The following FUT9 variants were observed in gnomAD, a reference collection of about 807,000 sequenced individuals.
FUT9 encodes 4-galactosyl-N-acetylglucosaminide 3-alpha-L-fucosyltransferase 9.
Under a neutral mutation model 29.7 loss-of-function variants are expected in FUT9, and 15 were observed. That is an observed-to-expected ratio of 0.51 (90% CI 0.34 to 0.78). The LOEUF (loss-of-function observed/expected upper bound fraction) is 0.78, where lower values mean the gene tolerates loss of function less well. Ranked by LOEUF, FUT9 falls within the 30% of genes least tolerant of loss-of-function variation. FUT9 has a pLI of 0.01. For synonymous variants in FUT9, 169 were observed against 153.7 expected (o/e 1.10, Z -0.74); for missense variants, 319 against 425.4 (o/e 0.75, Z 2.20).
At chr6:96,031,655 C>T (rs972099881) in intron 1 of FUT9, among the ~76,000 whole-genome samples, 2 of 151,380 alleles carry the variant, frequency 1.3e-5, no homozygotes, top group Admixed American at 6.6e-5. Flanking sequence ...GGAAGTATAC[C>T]TTTGACCTGC....
At chr6:96,178,658 T>C (rs1773249062) in intron 2 of FUT9, among the ~76,000 whole-genome samples, 1 of 152,172 alleles carries the variant, frequency 6.6e-6, no homozygotes, top group Non-Finnish European at 1.5e-5. Flanking sequence ...AGCTCTAGGC[T>C]TTGAATAATC....
intron 2 of FUT9, among the ~76,000 whole-genome samples, chr6:96,182,744 G>A (rs1773331828): frequency 6.6e-6 from 1 of 151,972 alleles, no homozygotes; most frequent in South Asian, 2.1e-4. Context: ...AGATCAGTTG[G>A]CTTGTAAGTA....
chr6:96,203,415 A>G lies in FUT9; in HGVS notation c.260A>G (p.Asn87Ser). 6.2e-7 allele frequency: 1 copy of G among 1,609,472 alleles called. No individual in the cohort carries two copies. Among genetic ancestry groups the G allele is most frequent in the Non-Finnish European group, 8.5e-7 (1 of 1,177,058 alleles). The change falls in exon 3 of 3, where the codon AAC (asparagine) becomes AGC (serine). Residue 87 changes from asparagine to serine, a missense_variant. Transcript: ENST00000302103. ...CTTACATCCTGCCAAGCAATGTTCA[A>G]CATCCAAGGATGCCATCTCACAACG... ...FDLTSCQAMF[N>S]IQGCHLTTDR...
intron 2 of FUT9, among the ~76,000 whole-genome samples, chr6:96,171,311 G>T (rs1050431024): frequency 1.1e-4 from 17 of 152,204 alleles, no homozygotes; most frequent in African/African-American, 3.9e-4. Context: ...GGTTGCTCAT[G>T]CATGAGTACG....
chr6:96,115,564 A>C (rs186029100), intron 2 of FUT9, among the ~76,000 whole-genome samples: 1 of 152,318 alleles, frequency 6.6e-6, no homozygotes, highest in Admixed American at 6.5e-5. Flanking sequence ...TAATCATCTC[A>C]TCAATGACAC....
rs1248760058 is a variant in FUT9, at chr6:96,207,095, A to T, written c.*2860A>T. The T allele has an allele frequency of 1.8e-5, 3 of 166,948 alleles. No homozygotes were observed. The Admixed American group carries it at 2.0e-4, about 11-fold the overall frequency. 10.3% of individuals were successfully genotyped at this position (166,948 alleles called of 1,614,324 possible). On this transcript the variant is annotated 3_prime_UTR_variant, in exon 3 of 3. Coordinates refer to ENST00000302103, the MANE Select transcript of FUT9 (RefSeq NM_006581.4). Reference sequence around the variant, plus strand: ...TTAGCTGTGGGTCCATTGATGTGTGAGTTTTAGAGCTGGAAGGAATTATAA... The same window carrying T: ...TTAGCTGTGGGTCCATTGATGTGTGTGTTTTAGAGCTGGAAGGAATTATAA...
At chr6:96,131,068 T>C (rs1471241940) in intron 2 of FUT9, among the ~76,000 whole-genome samples, 1 of 152,126 alleles carries the variant, frequency 6.6e-6, no homozygotes, top group Non-Finnish European at 1.5e-5. Flanking sequence ...CAGGACCCAC[T>C]ACCTGGCTTG....
chr6:96,200,069 T>C (rs898576535), intron 2 of FUT9, among the ~76,000 whole-genome samples: 2 of 152,156 alleles, frequency 1.3e-5, no homozygotes, highest in Non-Finnish European at 2.9e-5. Flanking sequence ...TAACTCTCTG[T>C]GTGGTTTTGG....
intron 1 of FUT9, among the ~76,000 whole-genome samples, chr6:96,100,406 A>C (rs185242308): frequency 2.8e-4 from 43 of 152,286 alleles, no homozygotes; most frequent in African/African-American, 1.0e-3. Context: ...GTACAAGGTA[A>C]AGTAAAGGAA....
Position 96,203,314 on chromosome 6 carries a change from C to A in FUT9, c.159C>A (p.Phe53Leu), listed in dbSNP as rs1441296218. 10 of 1,613,892 alleles carry A rather than the reference C, an allele frequency of 6.2e-6. No homozygotes were observed. The highest frequency in any genetic ancestry group is 1.3e-5 in the African/African-American group (1 of 75,024). ...SASSVLKMKNFFSTKTDYFNE... is the reference protein window; with the variant it reads ...SASSVLKMKNLFSTKTDYFNE... The stretch of plus-strand genomic sequence containing the variant: ...GCTCTGTGCTGAAAATGAAAAACTT[C>A]TTTTCCACCAAAACTGATTATTTTA... The change falls in exon 3 of 3, where the codon TTC becomes TTA. Residue 53 changes from phenylalanine (F) to leucine (L), a missense_variant. Physicochemically the swap from Phe to Leu is conservative, Grantham distance 22 (BLOSUM62 0). Coordinates refer to ENST00000302103, the MANE Select transcript of FUT9 (RefSeq NM_006581.4).
chr6:96,179,907 C>T (rs1263348730), intron 2 of FUT9, among the ~76,000 whole-genome samples: 3 of 152,040 alleles, frequency 2.0e-5, no homozygotes, highest in Non-Finnish European at 4.4e-5. Context: ...AAAGATGAGA[C>T]AAAATCAAGT....
Position 96,212,447 on chromosome 6 carries a change from C to G in FUT9, c.*8212C>G, listed in dbSNP as rs1773956298. On this transcript the variant is annotated 3_prime_UTR_variant, in exon 3 of 3. Coordinates refer to ENST00000302103, the MANE Select transcript of FUT9 (RefSeq NM_006581.4). ...GTCTACTTTTTAGATAAAAGATAAT[C>G]TATCTTGAATATTTCATATGTGATT... is the stretch of plus-strand genomic sequence containing the variant. The G allele has an allele frequency of 2.4e-6, 1 of 410,946 alleles. No individual in the cohort carries two copies. The allele number at this position is 410,946 out of a possible 1,614,324, so 25.5% of individuals were successfully genotyped here.
intron 2 of FUT9, among the ~76,000 whole-genome samples, chr6:96,189,791 T>C (rs1256290503): frequency 6.6e-6 from 1 of 152,156 alleles, no homozygotes; most frequent in East Asian, 1.9e-4. Flanking sequence ...ATTTTGAGCC[T>C]ATGTGTGTCT....
intron 1 of FUT9, among the ~76,000 whole-genome samples, chr6:96,100,224 CA>C (rs1196302868): frequency 1.6e-5 from 2 of 123,388 alleles, no homozygotes; most frequent in East Asian, 2.4e-4. Context: ...AACACACACA[CA>C]CACCAACACA....
Position 96,204,167 on chromosome 6 carries a change from T to C in FUT9, c.1012T>C (p.Cys338Arg). The C allele has an allele frequency of 6.7e-7, 1 of 1,493,786 alleles. No individual in the cohort carries two copies. The highest frequency in any genetic ancestry group is 8.9e-7 in the Non-Finnish European group (1 of 1,120,584). 92.5% of individuals were successfully genotyped at this position (1,493,786 alleles called of 1,614,324 possible). A position where few individuals can be genotyped will look rare whatever the true frequency, so the allele number is the denominator to read the frequency against. The change falls in exon 3 of 3, where the codon TGC becomes CGC. Residue 338 changes from cysteine (C) to arginine (R), a missense_variant. Transcript: ENST00000302103. ...TTGGGAATCACATGCATGTTTGGCT[T>C]GCGATCATGTGAAAAGGCATCAAGA... is the stretch of plus-strand genomic sequence containing the variant. ...RFWESHACLA[C>R]DHVKRHQEYK...
intron 2 of FUT9, among the ~76,000 whole-genome samples, chr6:96,120,739 G>A (rs1231437325): frequency 1.3e-5 from 2 of 149,438 alleles, no homozygotes; most frequent in African/African-American, 4.9e-5. Context: ...AATTTTAGGA[G>A]TAATTGGGGT....
At chr6:96,161,718 A>G (rs1772905862) in intron 2 of FUT9, among the ~76,000 whole-genome samples, 1 of 152,220 alleles carries the variant, frequency 6.6e-6, no homozygotes, top group Non-Finnish European at 1.5e-5. Flanking sequence ...TAAAAGCTGT[A>G]TTATACATTA....
intron 2 of FUT9, among the ~76,000 whole-genome samples, chr6:96,136,084 G>T (rs1772343000): frequency 6.6e-6 from 1 of 151,536 alleles, no homozygotes; most frequent in African/African-American, 2.4e-5. Flanking sequence ...CTTATAGATT[G>T]ACTTTTTCCA....
intron 1 of FUT9, among the ~76,000 whole-genome samples, chr6:96,079,825 A>C (rs573965834): frequency 1.1e-4 from 16 of 152,270 alleles, no homozygotes; most frequent in African/African-American, 3.8e-4. Flanking sequence ...TTGGCAGGAC[A>C]ATGATGTATT....
Sources: allele counts gnomAD v4.1 joint callset (sites outside exome capture counted in the v4.1 genomes callset), GRCh38; gene constraint gnomAD v4.1.1; transcripts MANE v1.5; gene names NCBI Gene and HGNC (gene_info 2026-07-23, HGNC 2026-07-21).